The following CCDC39 variants were observed in gnomAD, a reference collection of about 807,000 sequenced individuals.
CCDC39 encodes coiled-coil domain 39 molecular ruler complex subunit, also known as coiled-coil domain-containing protein 39.
CCDC39 carries 113 observed loss-of-function variants against 121.0 expected under a neutral mutation model. That is an observed-to-expected ratio of 0.93 (90% CI 0.80 to 1.09). The LOEUF is 1.09. CCDC39 is among the 50% of genes least tolerant of loss of function. The pLI, the probability that CCDC39 is intolerant of heterozygous loss-of-function variation, is 0.00. For missense variants in CCDC39, 1,063 were observed against 1,074.7 expected (o/e 0.99, Z 0.15); for synonymous variants, 349 against 352.2 (o/e 0.99, Z 0.10).
In CCDC39 at chr3:180,614,708, TGTAGCC is replaced by T; in HGVS notation, c.*207_*212del. 4 of 476,086 alleles carry T rather than the reference TGTAGCC, an allele frequency of 8.4e-6. No homozygotes were observed. Among genetic ancestry groups the T allele is most frequent in the Non-Finnish European group, 1.5e-5 (4 of 272,476 alleles). The allele number at this position is 476,086 out of a possible 1,614,324, so 29.5% of individuals were successfully genotyped here. A position where few individuals can be genotyped will look rare whatever the true frequency, so the allele number is the denominator to read the frequency against. On this transcript the variant is annotated 3_prime_UTR_variant, in exon 20 of 20. Coordinates refer to ENST00000476379, the MANE Select transcript of CCDC39 (RefSeq NM_181426.2). ...GCATTTTTCCTATGCTTGTATAACATGTAGCCTTGTCAAGAATCTGCTATTAATTTC... is the reference window on the plus strand; with the variant it reads ...GCATTTTTCCTATGCTTGTATAACATTTGTCAAGAATCTGCTATTAATTTC...
rs764052532 is a variant in CCDC39 at position 180,654,824 on chromosome 3, G to C, written c.868C>G (p.Leu290Val). 1 of 1,610,678 alleles carries C rather than the reference G, an allele frequency of 6.2e-7. No individual in the cohort carries two copies. The highest frequency in any genetic ancestry group is 8.5e-7 in the Non-Finnish European group (1 of 1,178,526). The change falls in exon 7 of 20, where the codon CTT becomes GTT. Residue 290 changes from leucine to valine, a missense_variant. Physicochemically the swap from Leu to Val is conservative, Grantham distance 32 (BLOSUM62 1). Coordinates refer to ENST00000476379, the MANE Select transcript of CCDC39 (RefSeq NM_181426.2). Reference protein sequence around the residue: ...EKRISVADRKLLKCRTAYQDH... With the variant: ...EKRISVADRKVLKCRTAYQDH... ...TGATATGCCGTTCTACATTTTAAAA[G>C]TTTACGATCAGCCACAGAAATTCTT...
At position 180,640,957 on chromosome 3, in the gene CCDC39, A is replaced by G. The variant is rs796201086; in HGVS notation, c.1874+1036T>C. Among the ~76,000 whole-genome samples the G allele has an allele frequency of 1.3e-4, 20 of 152,204 alleles. 2 individuals are homozygous for G. Among genetic ancestry groups the G allele is most frequent in the African/African-American group, 4.8e-4 (20 of 41,586 alleles). On this transcript the variant is annotated intron_variant, in intron 13 of 19. Coordinates refer to ENST00000476379, the MANE Select transcript of CCDC39 (RefSeq NM_181426.2). ...TCAGACATAACCTTAATAGCCTGAT[A>G]CCCTGACAAGGACAGTAGAGCAAGG... is the stretch of plus-strand genomic sequence containing the variant.
intron 7 of CCDC39, 80 bp downstream of exon 7, chr3:180,654,682 A>T: frequency 1.1e-6 from 1 of 932,670 alleles, no homozygotes; most frequent in Non-Finnish European, 1.5e-6. Flanking sequence ...TCTTTATCAC[A>T]GGAAAAGCTT....
Position 180,619,258 on chromosome 3 carries a change from C to T in CCDC39, c.2265+1G>A, listed in dbSNP as rs773127681. 1.0e-5 allele frequency: 15 copies of T among 1,463,886 alleles called. No homozygotes were observed. 90.7% of individuals were successfully genotyped at this position (1,463,886 alleles called of 1,614,324 possible). Reference sequence around the variant, plus strand: ...TTACTAAAAATGCCTGTAGAATTTACCTGGATGTCTTCTTGAAGTTCTCTG... The same window carrying T: ...TTACTAAAAATGCCTGTAGAATTTATCTGGATGTCTTCTTGAAGTTCTCTG... On this transcript the variant is annotated splice_donor_variant, in intron 16 of 19. Transcript: ENST00000476379. LOFTEE classifies it high-confidence loss of function.
chr3:180,668,124 T>A (rs1048965040), intron 1 of CCDC39, among the ~76,000 whole-genome samples: 3 of 152,128 alleles, frequency 2.0e-5, no homozygotes, highest in African/African-American at 7.2e-5. Context: ...ATGCCTGTAA[T>A]CCCAATATGT....
At chr3:180,615,688 G>T (rs1461387158) in intron 19 of CCDC39, among the ~76,000 whole-genome samples, 1 of 152,122 alleles carries the variant, frequency 6.6e-6, no homozygotes, top group Non-Finnish European at 1.5e-5. Flanking sequence ...GCTGCTGAAT[G>T]CAGGAGATTG....
chr3:180,676,699 T>C (rs1445808173), intron 1 of CCDC39, among the ~76,000 whole-genome samples: 1 of 152,188 alleles, frequency 6.6e-6, no homozygotes, highest in African/African-American at 2.4e-5. Flanking sequence ...CACGTATGTT[T>C]ATTGCAGCAC....
At chr3:180,668,932 A>T (rs16831839) in intron 1 of CCDC39, among the ~76,000 whole-genome samples, 1 of 152,256 alleles carries the variant, frequency 6.6e-6, no homozygotes, top group Non-Finnish European at 1.5e-5. Flanking sequence ...TTTGTGCTAC[A>T]CTGAGGAATG....
chr3:180,653,408 CCTTT>C (rs1397784687), intron 7 of CCDC39, among the ~76,000 whole-genome samples: 2 of 152,166 alleles, frequency 1.3e-5, no homozygotes, highest in African/African-American at 2.4e-5. Flanking sequence ...CTTTTGCCTT[CCTTT>C]ATCTCCCTAG....
intron 8 of CCDC39, 114 bp downstream of exon 8, chr3:180,652,049 A>AT: frequency 3.2e-6 from 2 of 626,948 alleles, no homozygotes; most frequent in East Asian, 3.5e-5. Flanking sequence ...AAAAAAAAAA[A>AT]GTAGTAGCTA....
intron 12 of CCDC39, 46 bp downstream of exon 12, chr3:180,644,074 G>A: frequency 7.1e-7 from 1 of 1,405,670 alleles, no homozygotes; most frequent in African/African-American, 1.5e-5. Context: ...CAATTAACAT[G>A]GAAACATGGT....
At chr3:180,643,248 C>T (rs998054439) in intron 12 of CCDC39, among the ~76,000 whole-genome samples, 2 of 151,980 alleles carry the variant, frequency 1.3e-5, no homozygotes, top group East Asian at 1.9e-4. Context: ...TGTGAGCCAC[C>T]GTGCCCGGCC....
At chr3:180,630,434 T>G (rs1355746479) in intron 14 of CCDC39, among the ~76,000 whole-genome samples, 1 of 152,064 alleles carries the variant, frequency 6.6e-6, no homozygotes, top group Non-Finnish European at 1.5e-5. Flanking sequence ...GGGGCAGATT[T>G]GAAGAAGAGC....
intron 2 of CCDC39, among the ~76,000 whole-genome samples, chr3:180,662,780 T>A (rs1711774208): frequency 6.6e-6 from 1 of 152,212 alleles, no homozygotes; most frequent in Non-Finnish European, 1.5e-5. Context: ...GTTTATTAAA[T>A]TTGTAACTTT....
intron 12 of CCDC39, among the ~76,000 whole-genome samples, chr3:180,643,484 A>G (rs2108419686): frequency 6.6e-6 from 1 of 152,304 alleles, no homozygotes; most frequent in African/African-American, 2.4e-5. Context: ...AAAAATGCAG[A>G]CTAAAACAAT....
In CCDC39 at chr3:180,614,057, C is replaced by G. The variant is rs1717123428; in HGVS notation, c.*864G>C. ...ATCCAGTTTTATAATATTCCACACT[C>G]TATTCCAAGAGTACAAAGTGTTGGG... On this transcript the variant is annotated 3_prime_UTR_variant, in exon 20 of 20. Transcript: ENST00000476379. The G allele has an allele frequency of 3.3e-6, 1 of 303,360 alleles. No homozygotes were observed. The highest frequency in any genetic ancestry group is 6.5e-6 in the Non-Finnish European group (1 of 154,482). The allele number at this position is 303,360 out of a possible 1,614,324, so 18.8% of individuals were successfully genotyped here.
chr3:180,647,230 T>G lies in CCDC39; in HGVS notation c.1376A>C (p.Gln459Pro), dbSNP rs1045620077. The part of the protein sequence containing the change: ...EIMYSQDFHI[Q>P]QVERRMSRLK... The stretch of plus-strand genomic sequence containing the variant: ...CCGTGACATTCTCCGTTCCACTTGT[T>G]GAATGTGAAAATCCTGTTACAGTTT... Residue 459 changes from glutamine to proline, a missense_variant, in exon 11 of 20, where the codon CAA becomes CCA. Coordinates refer to ENST00000476379, the MANE Select transcript of CCDC39 (RefSeq NM_181426.2). 1.3e-6 allele frequency: 2 copies of G among 1,598,416 alleles called. No homozygotes were observed. Among genetic ancestry groups the G allele is most frequent in the African/African-American group, 2.7e-5 (2 of 74,216 alleles).
At position 180,652,269 on chromosome 3, in the gene CCDC39, A is replaced by T; in HGVS notation, c.931-3T>A. On this transcript the variant is annotated splice_region_variant and splice_polypyrimidine_tract_variant and intron_variant, in intron 7 of 19. Coordinates refer to ENST00000476379, the MANE Select transcript of CCDC39 (RefSeq NM_181426.2). ...ACAGTGGCTTTTAAAGAATCCAGCT[A>T]TTTATTAGTTAACAGACAGAAATTA... 6.8e-7 allele frequency: 1 copy of T among 1,465,070 alleles called. No homozygotes were observed. The highest frequency in any genetic ancestry group is 9.2e-7 in the Non-Finnish European group (1 of 1,087,560). 90.8% of individuals were successfully genotyped at this position (1,465,070 alleles called of 1,614,324 possible). A position where few individuals can be genotyped will look rare whatever the true frequency, so the allele number is the denominator to read the frequency against.
chr3:180,662,023 C>T lies in CCDC39; in HGVS notation c.211-16G>A. 2.0e-6 allele frequency: 3 copies of T among 1,529,070 alleles called. No homozygotes were observed. The highest frequency in any genetic ancestry group is 2.6e-6 in the Non-Finnish European group (3 of 1,140,906). 94.7% of individuals were successfully genotyped at this position (1,529,070 alleles called of 1,614,324 possible). ...TGCAAAGAGACTACAGAATAACACA[C>T]AAGATAAAAAGGCTTTTAAAATTTT... is the stretch of plus-strand genomic sequence containing the variant. On this transcript the variant is annotated splice_polypyrimidine_tract_variant and intron_variant, in intron 2 of 19. Coordinates refer to ENST00000476379, the MANE Select transcript of CCDC39 (RefSeq NM_181426.2).
Sources: gnomAD v4.1 joint callset for allele counts (sites outside exome capture counted in the v4.1 genomes callset) on GRCh38, gnomAD v4.1.1 for gene constraint, MANE v1.5 for transcripts, NCBI Gene and HGNC (gene_info 2026-07-23, HGNC 2026-07-21) for gene names.